Variants in NF1 observed in about 807,000 individuals in gnomAD.
The protein encoded by NF1 is neurofibromin.
In NF1, 122 loss-of-function variants were observed where a neutral mutation model predicts 325.7. That is an observed-to-expected ratio of 0.37 (90% CI 0.32 to 0.44). The LOEUF (loss-of-function observed/expected upper bound fraction) is 0.44. NF1 is among the 20% of genes least tolerant of loss of function. NF1 has a pLI of 1.00. For synonymous variants in NF1, 1,091 were observed against 1,186.0 expected (o/e 0.92, Z 1.65); for missense variants, 2,140 against 3,415.4 (o/e 0.63, Z 9.31).
At chr17:31,356,016 C>T (rs1187823404) in intron 51 of NF1, 1 of 154,456 alleles carries the variant, frequency 6.5e-6, no homozygotes, top group African/African-American at 2.4e-5. Flanking sequence ...AAATCAAACT[C>T]TGCTTTCTTC....
At chr17:31,227,338 A>G (rs752211614) in intron 19 of NF1, 47 bp downstream of exon 19, 17 of 1,586,086 alleles carry the variant, frequency 1.1e-5, no homozygotes, top group South Asian at 6.6e-5. Flanking sequence ...CCCACCCTCA[A>G]TTTGGAAGCC....
At chr17:31,178,253 A>G (rs918625538) in intron 5 of NF1, among the ~76,000 whole-genome samples, 2 of 152,210 alleles carry the variant, frequency 1.3e-5, no homozygotes, top group Admixed American at 1.3e-4. Flanking sequence ...ACAGAATTTC[A>G]TATCCAGGCA....
chr17:31,318,861 T>G (rs1438902402), intron 36 of NF1: 1 of 1,614,092 alleles, frequency 6.2e-7, no homozygotes, highest in South Asian at 1.1e-5. Flanking sequence ...GGTTTCTGCC[T>G]GTCTTGTTTT....
intron 27 of NF1, 135 bp downstream of exon 27, chr17:31,233,348 AT>A: frequency 1.1e-6 from 1 of 903,390 alleles, no homozygotes. Context: ...TAGTTAGGTG[AT>A]TTTTCAGCTG....
intron 19 of NF1, 40 bp downstream of exon 19, chr17:31,227,331 A>C (rs2067033558): frequency 6.2e-7 from 1 of 1,603,334 alleles, no homozygotes; most frequent in South Asian, 1.1e-5. Context: ...CCAGGCGCCC[A>C]CCCTCAATTT....
Position 31,222,520 on chromosome 17 carries a change from G to A in NF1, c.1721+591G>A, listed in dbSNP as rs1324440295. The stretch of plus-strand genomic sequence containing the variant: ...TATCTTATAAGAATGGGTGTGCTAA[G>A]TTACTTGGCAGCTGAATTAAACCTT... On this transcript the variant is annotated intron_variant, in intron 15 of 57. Transcript: ENST00000358273. 4 of 1,026,178 alleles carry A rather than the reference G, an allele frequency of 3.9e-6. 1 individual carries two copies. The Middle Eastern group carries it at 1.4e-3, about 357-fold the overall frequency. 63.6% of individuals were successfully genotyped at this position (1,026,178 alleles called of 1,614,324 possible).
intron 12 of NF1, among the ~76,000 whole-genome samples, chr17:31,208,198 A>G (rs1398465041): frequency 6.6e-6 from 1 of 152,152 alleles, no homozygotes; most frequent in Non-Finnish European, 1.5e-5. Flanking sequence ...TTTATTTCTA[A>G]TTATTTTCTG....
rs913345838 is a variant in NF1 at position 31,334,787 on chromosome 17, T to C, written c.5813-51T>C. Reference sequence around the variant, plus strand: ...CCGAATTCTTTATGTTAAATAATTGTTGATGTGATTTTCATTGACCATCAC... The same window carrying C: ...CCGAATTCTTTATGTTAAATAATTGCTGATGTGATTTTCATTGACCATCAC... On this transcript the variant is annotated intron_variant, in intron 39 of 57. Coordinates refer to ENST00000358273, the MANE Select transcript of NF1 (RefSeq NM_001042492.3). 4.3e-6 allele frequency: 6 copies of C among 1,383,498 alleles called. No homozygotes were observed. In the African/African-American group the frequency reaches 8.5e-5, roughly 20 times the overall value. 85.7% of individuals were successfully genotyped at this position (1,383,498 alleles called of 1,614,324 possible).
At chr17:31,352,842 C>T (rs926782809) in intron 51 of NF1, among the ~76,000 whole-genome samples, 10 of 152,172 alleles carry the variant, frequency 6.6e-5, no homozygotes, top group Admixed American at 5.9e-4. Flanking sequence ...TACTATTTGC[C>T]GTGCTTTCTT....
chr17:31,296,314 CA>C (rs1235526191), intron 36 of NF1: 2 of 1,613,960 alleles, frequency 1.2e-6, no homozygotes, highest in East Asian at 4.5e-5. Flanking sequence ...GAGACATTTT[CA>C]ATATCTGATA....
chr17:31,233,913 C>T (rs1021511290), intron 27 of NF1, among the ~76,000 whole-genome samples: 1 of 152,090 alleles, frequency 6.6e-6, no homozygotes, highest in Non-Finnish European at 1.5e-5. Context: ...AACTCCTTAC[C>T]CTGTCCTACA....
At chr17:31,249,483 C>T (rs1054762929) in intron 30 of NF1, among the ~76,000 whole-genome samples, 6 of 152,094 alleles carry the variant, frequency 3.9e-5, no homozygotes, top group Non-Finnish European at 7.4e-5. Flanking sequence ...TGAGGCGGGT[C>T]TCCTCCTTGC....
rs112567715 is a variant in NF1 at position 31,141,918 on chromosome 17, C to T, written c.61-14065C>T. ...CTAGAGCTGATGTATTGGGTACTTC[C>T]CCTCTAGCATGGTTATTTTCTTTGT... On this transcript the variant is annotated intron_variant, in intron 1 of 57. Coordinates refer to ENST00000358273, the MANE Select transcript of NF1 (RefSeq NM_001042492.3). 3.2e-3 allele frequency among the ~76,000 whole-genome samples: 493 copies of T among 152,222 alleles called. 2 individuals carry two copies. The highest frequency in any genetic ancestry group is 0.011 in the African/African-American group (470 of 41,516).
At chr17:31,355,049 A>G (rs1470980504) in intron 51 of NF1, among the ~76,000 whole-genome samples, 1 of 152,236 alleles carries the variant, frequency 6.6e-6, no homozygotes, top group Non-Finnish European at 1.5e-5. Context: ...CAAGACATCT[A>G]TGAGTATATA....
intron 36 of NF1, among the ~76,000 whole-genome samples, chr17:31,281,549 T>G (rs754930788): frequency 1.1e-4 from 16 of 152,224 alleles, no homozygotes; most frequent in Non-Finnish European, 2.1e-4. Context: ...GCTTCAGCTA[T>G]GCTGACCATC....
intron 48 of NF1, among the ~76,000 whole-genome samples, chr17:31,344,950 C>T (rs535316804): frequency 2.6e-5 from 4 of 152,188 alleles, no homozygotes; most frequent in Non-Finnish European, 4.4e-5. Flanking sequence ...CGGTGAAACC[C>T]CATCTCTACT....
intron 57 of NF1, among the ~76,000 whole-genome samples, chr17:31,371,582 T>C (rs1014995768): frequency 6.6e-6 from 1 of 152,174 alleles, no homozygotes; most frequent in Non-Finnish European, 1.5e-5. Flanking sequence ...CAGAATTCTG[T>C]TACCCAGAGA....
chr17:31,115,445 G>C (rs113057922), intron 1 of NF1, among the ~76,000 whole-genome samples: 2 of 152,158 alleles, frequency 1.3e-5, no homozygotes, highest in African/African-American at 4.8e-5. Flanking sequence ...CAAAGTCGTA[G>C]GTACTTGAAA....
chr17:31,253,375 C>A (rs1054087943), intron 31 of NF1: 1 of 196,624 alleles, frequency 5.1e-6, no homozygotes, highest in African/African-American at 2.3e-5. Flanking sequence ...TGAGTGGTTT[C>A]TTTTCCCAGA....
Sources: gnomAD v4.1 joint callset for allele counts (sites outside exome capture counted in the v4.1 genomes callset) on GRCh38, gnomAD v4.1.1 for gene constraint, MANE v1.5 for transcripts, NCBI Gene and HGNC (gene_info 2026-07-23, HGNC 2026-07-21) for gene names.